SERGEF: variants seen among roughly 807,000 people sequenced by gnomAD.
The protein encoded by SERGEF is secretion regulating guanine nucleotide exchange factor.
SERGEF carries 51 observed loss-of-function variants against 50.0 expected under a neutral mutation model. The ratio of observed to expected loss-of-function variants is 1.02; its 90% CI spans 0.81 to 1.29. SERGEF has a LOEUF of 1.29. Ranked by LOEUF, SERGEF falls within the 50% of genes most tolerant of loss-of-function variation. The probability of loss-of-function intolerance (pLI) is 0.00; values close to 1 mark genes in which losing one functional copy is unlikely to be tolerated. For synonymous variants in SERGEF, 205 were observed against 212.4 expected (o/e 0.97, Z 0.30); for missense variants, 521 against 557.0 (o/e 0.94, Z 0.65).
At chr11:17,996,949 T>G (rs964626148) in intron 5 of SERGEF, among the ~76,000 whole-genome samples, 9 of 152,196 alleles carry the variant, frequency 5.9e-5, no homozygotes, top group Admixed American at 5.9e-4. Context: ...GGCAAAGATG[T>G]AATCCCAGCA....
chr11:18,011,137 T>TACATAC (rs1555023738), intron 1 of SERGEF, among the ~76,000 whole-genome samples: 1 of 147,636 alleles, frequency 6.8e-6, no homozygotes, highest in Non-Finnish European at 1.5e-5. Context: ...CATGCACACA[T>TACATAC]ACACACACAC....
chr11:17,950,117 A>G (rs188565614), intron 9 of SERGEF, among the ~76,000 whole-genome samples: 1 of 152,354 alleles, frequency 6.6e-6, no homozygotes. Context: ...CAGAGATTTT[A>G]GACTTCATTC....
intron 10 of SERGEF, among the ~76,000 whole-genome samples, chr11:17,828,071 C>T (rs1850231937): frequency 6.6e-6 from 1 of 152,176 alleles, no homozygotes. Flanking sequence ...CTGCAAGTTC[C>T]ACTAGGGAGC....
At chr11:17,896,491 A>T (rs1442285015) in intron 9 of SERGEF, among the ~76,000 whole-genome samples, 2 of 151,280 alleles carry the variant, frequency 1.3e-5, no homozygotes, top group Non-Finnish European at 2.9e-5. Context: ...CACATAAAAA[A>T]TAAAGGGAAA....
At chr11:17,846,885 A>G (rs1218743331) in intron 10 of SERGEF, 3 of 397,272 alleles carry the variant, frequency 7.6e-6, no homozygotes, top group African/African-American at 6.2e-5. Context: ...TAATCTCCTG[A>G]GGAAGACTAG....
rs190084486 is a variant in SERGEF, at chr11:17,946,322, C to T, written c.1011+13148G>A. 3.0e-4 allele frequency among the ~76,000 whole-genome samples: 45 copies of T among 152,254 alleles called. No homozygotes were observed. The East Asian group carries it at 5.2e-3, about 18-fold the overall frequency. On this transcript the variant is annotated intron_variant, in intron 9 of 10. Coordinates refer to ENST00000265965, the MANE Select transcript of SERGEF (RefSeq NM_012139.4). Reference sequence around the variant, plus strand: ...GAGTCTCACTCTCTTCAACTGCAAACGGAAGAATAATAATCCCTACTCTGC... The same window carrying T: ...GAGTCTCACTCTCTTCAACTGCAAATGGAAGAATAATAATCCCTACTCTGC...
At chr11:17,935,203 G>A (rs1280360341) in intron 9 of SERGEF, among the ~76,000 whole-genome samples, 5 of 152,164 alleles carry the variant, frequency 3.3e-5, no homozygotes, top group Non-Finnish European at 7.4e-5. Context: ...TTACTACTAA[G>A]CATTTAAAAA....
chr11:17,953,907 T>C (rs1852814765), intron 9 of SERGEF, among the ~76,000 whole-genome samples: 1 of 152,170 alleles, frequency 6.6e-6, no homozygotes, highest in Non-Finnish European at 1.5e-5. Flanking sequence ...CACTTTGAGG[T>C]TTGTTTTGTG....
intron 10 of SERGEF, among the ~76,000 whole-genome samples, chr11:17,825,398 T>C (rs917299495): frequency 3.9e-5 from 6 of 152,200 alleles, no homozygotes; most frequent in Non-Finnish European, 8.8e-5. Context: ...TTTAGCTTCC[T>C]AGCAACCATG....
intron 1 of SERGEF, chr11:18,012,738 C>A (rs1004966165): frequency 1.2e-5 from 17 of 1,361,202 alleles, no homozygotes; most frequent in Admixed American, 1.2e-4. Flanking sequence ...CCCCGCCAGC[C>A]GGCAGGCCCC....
At chr11:17,965,176 C>T (rs1046510960) in intron 8 of SERGEF, among the ~76,000 whole-genome samples, 1 of 152,158 alleles carries the variant, frequency 6.6e-6, no homozygotes, top group Non-Finnish European at 1.5e-5. Context: ...TTCCCCCATG[C>T]TGTTCTCATG....
At chr11:17,832,354 GCTC>G (rs1349247482) in intron 10 of SERGEF, among the ~76,000 whole-genome samples, 1 of 152,190 alleles carries the variant, frequency 6.6e-6, no homozygotes, top group Non-Finnish European at 1.5e-5. Context: ...CATGTGAGTT[GCTC>G]ATCCTTGCCT....
chr11:17,938,579 CAG>C (rs1192226922), intron 9 of SERGEF, among the ~76,000 whole-genome samples: 3 of 152,142 alleles, frequency 2.0e-5, no homozygotes, highest in Non-Finnish European at 4.4e-5. Flanking sequence ...GGAAGGACCC[CAG>C]ACTCTTCTAC....
At chr11:17,927,404 T>C (rs942829381) in intron 9 of SERGEF, among the ~76,000 whole-genome samples, 1 of 152,170 alleles carries the variant, frequency 6.6e-6, no homozygotes, top group African/African-American at 2.4e-5. Flanking sequence ...ACATACCCGA[T>C]TTTGGTTCTG....
At chr11:17,828,710 G>A (rs956902819) in intron 10 of SERGEF, among the ~76,000 whole-genome samples, 6 of 152,156 alleles carry the variant, frequency 3.9e-5, no homozygotes, top group Non-Finnish European at 2.9e-5. Flanking sequence ...ATTAGTCAAA[G>A]CCTCATACCA....
intron 8 of SERGEF, among the ~76,000 whole-genome samples, chr11:17,984,588 T>C (rs1443322844): frequency 2.6e-5 from 4 of 152,104 alleles, no homozygotes; most frequent in Non-Finnish European, 5.9e-5. Flanking sequence ...CCAAACTATA[T>C]CAAGGAGTAA....
intron 8 of SERGEF, among the ~76,000 whole-genome samples, chr11:17,973,994 T>C (rs536179228): frequency 2.0e-4 from 31 of 151,876 alleles, no homozygotes; most frequent in African/African-American, 6.8e-4. Flanking sequence ...AAGTAGGGGG[T>C]TGGGAGAGGT....
chr11:17,907,090 T>A (rs1851860765), intron 9 of SERGEF, among the ~76,000 whole-genome samples: 1 of 146,150 alleles, frequency 6.8e-6, no homozygotes, highest in African/African-American at 2.6e-5. Flanking sequence ...GAGGAAAATA[T>A]CAAACTGGAT....
chr11:17,961,150 T>G (rs1316062677), intron 8 of SERGEF, among the ~76,000 whole-genome samples: 2 of 152,176 alleles, frequency 1.3e-5, no homozygotes, highest in Non-Finnish European at 2.9e-5. Context: ...AAAATTAAGG[T>G]TCAGAGAAGT....
Sources: allele counts gnomAD v4.1 joint callset (sites outside exome capture counted in the v4.1 genomes callset), GRCh38; gene constraint gnomAD v4.1.1; transcripts MANE v1.5; gene names NCBI Gene and HGNC (gene_info 2026-07-23, HGNC 2026-07-21).